Variants in RABGAP1L observed in about 807,000 individuals in gnomAD.
RABGAP1L encodes RAB GTPase activating protein 1 like, also known as rab GTPase-activating protein 1-like.
In RABGAP1L, 63 loss-of-function variants were observed where a neutral mutation model predicts 137.7. That is an observed-to-expected ratio of 0.46 (90% CI 0.37 to 0.56). The LOEUF (loss-of-function observed/expected upper bound fraction) is 0.56. Ranked by LOEUF, RABGAP1L falls within the 20% of genes least tolerant of loss-of-function variation. The pLI is 0.00. For synonymous variants in RABGAP1L, 431 were observed against 433.7 expected (o/e 0.99, Z 0.08); for missense variants, 1,095 against 1,244.0 (o/e 0.88, Z 1.80).
At chr1:174,616,488 A>G (rs1671886325) in intron 13 of RABGAP1L, among the ~76,000 whole-genome samples, 1 of 152,222 alleles carries the variant, frequency 6.6e-6, no homozygotes, top group Non-Finnish European at 1.5e-5. Flanking sequence ...CTCAGGCACC[A>G]GGGAAACAAA....
At chr1:174,813,550 A>G (rs532792648) in intron 19 of RABGAP1L, among the ~76,000 whole-genome samples, 68 of 152,384 alleles carry the variant, frequency 4.5e-4, no homozygotes, top group African/African-American at 1.6e-3. Flanking sequence ...ACAGTTAAAA[A>G]GTACACTGAA....
chr1:174,219,004 A>G, intron 1 of RABGAP1L, 121 bp from the exon 2 acceptor site: 1 of 746,566 alleles, frequency 1.3e-6, no homozygotes, highest in Non-Finnish European at 2.1e-6. Flanking sequence ...TGAGATAATT[A>G]TCTAGCCAGC....
intron 13 of RABGAP1L, among the ~76,000 whole-genome samples, chr1:174,608,746 AATAGTGCTTCAGGTAGATT>A (rs1413688728): frequency 6.6e-6 from 1 of 152,160 alleles, no homozygotes; most frequent in Non-Finnish European, 1.5e-5. Context: ...ATGGGAACAA[AATAGTGCTTCAGGTAGATT>A]AACCTAAAAG....
chr1:174,209,081 A>T (rs1044676146), intron 1 of RABGAP1L, among the ~76,000 whole-genome samples: 1 of 152,146 alleles, frequency 6.6e-6, no homozygotes, highest in African/African-American at 2.4e-5. Flanking sequence ...CTCAACCTAG[A>T]TCCCTCACAT....
At position 174,448,649 on chromosome 1, in the gene RABGAP1L, T is replaced by C. The variant is rs747633785; in HGVS notation, c.1710+54504T>C. On this transcript the variant is annotated intron_variant, in intron 13 of 25. Transcript: ENST00000681986. This position sits in a 1 kb window ranked among gnomAD's most constrained non-coding sequence, Gnocchi z 4.2. The stretch of plus-strand genomic sequence containing the variant: ...AATTTTCTTGCCTTCCTTTTTTGGC[T>C]GGGGGAAACCTGGTTACCATGGTGA... 6.2e-7 allele frequency: 1 copy of C among 1,613,876 alleles called. No individual in the cohort carries two copies. The highest frequency in any genetic ancestry group is 1.1e-5 in the South Asian group (1 of 91,076).
chr1:174,307,067 T>A (rs1330494228), intron 11 of RABGAP1L, among the ~76,000 whole-genome samples: 1 of 150,794 alleles, frequency 6.6e-6, no homozygotes, highest in Non-Finnish European at 1.5e-5. Flanking sequence ...TATGTTAACT[T>A]ATTTGAGTCT....
intron 17 of RABGAP1L, among the ~76,000 whole-genome samples, chr1:174,735,882 G>A (rs1272873943): frequency 3.3e-5 from 5 of 152,070 alleles, no homozygotes; most frequent in African/African-American, 1.2e-4. Flanking sequence ...CATCACCAAG[G>A]GGATGGAGCT....
chr1:174,438,834 C>G (rs548870930), intron 13 of RABGAP1L, among the ~76,000 whole-genome samples: 1 of 137,078 alleles, frequency 7.3e-6, no homozygotes, highest in African/African-American at 2.7e-5. Flanking sequence ...AGGTTTTATA[C>G]ATTTTCACCT....
intron 14 of RABGAP1L, among the ~76,000 whole-genome samples, chr1:174,678,937 A>G (rs566682910): frequency 1.2e-3 from 183 of 152,342 alleles, no homozygotes; most frequent in Non-Finnish European, 2.2e-3. Flanking sequence ...ACAGTGGCAA[A>G]CAGCAGTGGT....
At chr1:174,541,571 T>A (rs1372632072) in intron 13 of RABGAP1L, among the ~76,000 whole-genome samples, 2 of 152,124 alleles carry the variant, frequency 1.3e-5, no homozygotes, top group African/African-American at 4.8e-5. Context: ...GGTCAGGAGA[T>A]CGAGACCATC....
chr1:174,741,878 A>G (rs1468576144), intron 17 of RABGAP1L, among the ~76,000 whole-genome samples: 1 of 147,886 alleles, frequency 6.8e-6, no homozygotes, highest in Non-Finnish European at 1.5e-5. Context: ...AAAAAAAAAA[A>G]AAGTAGAAAA....
intron 19 of RABGAP1L, chr1:174,877,516 A>G: frequency 2.5e-6 from 4 of 1,614,092 alleles, no homozygotes; most frequent in Non-Finnish European, 3.4e-6. Flanking sequence ...AATCTCCATT[A>G]TGGTAGCCTA....
rs145275267 is a variant in RABGAP1L at position 174,288,686 on chromosome 1, G to C, written c.1323+9907G>C. ...TTTAATTATACTATGTCCTGGTGTA[G>C]ACTTTTCAGCCTGTTTGGAAATCTA... On this transcript the variant is annotated intron_variant, in intron 10 of 25. Transcript: ENST00000681986. Among the ~76,000 whole-genome samples the C allele has an allele frequency of 2.1e-3, 327 of 152,252 alleles. 4 individuals carry two copies. Among genetic ancestry groups the C allele is most frequent in the Middle Eastern group, 0.014 (4 of 294 alleles).
intron 18 of RABGAP1L, among the ~76,000 whole-genome samples, chr1:174,794,697 C>T (rs1688114491): frequency 6.6e-6 from 1 of 152,160 alleles, no homozygotes; most frequent in South Asian, 2.1e-4. Context: ...AGTATAAACC[C>T]ACTTTTGTCT....
intron 17 of RABGAP1L, among the ~76,000 whole-genome samples, chr1:174,736,118 C>T (rs1682923649): frequency 6.6e-6 from 1 of 152,162 alleles, no homozygotes; most frequent in African/African-American, 2.4e-5. Flanking sequence ...CCAACATTAA[C>T]TCAAAAGTCC....
At chr1:174,880,077 AG>A (rs1653913126) in intron 19 of RABGAP1L, among the ~76,000 whole-genome samples, 1 of 114,386 alleles carries the variant, frequency 8.7e-6, no homozygotes. Flanking sequence ...AAAAAAAAAA[AG>A]GAAAAAAAAA....
At chr1:174,168,923 A>T (rs1665127768) in intron 1 of RABGAP1L, among the ~76,000 whole-genome samples, 2 of 152,342 alleles carry the variant, frequency 1.3e-5, no homozygotes, top group Middle Eastern at 6.8e-3. Flanking sequence ...ACATGTATAG[A>T]TGTGGTGAAG....
At chr1:174,760,182 T>TA in intron 18 of RABGAP1L, among the ~76,000 whole-genome samples, 1 of 144,910 alleles carries the variant, frequency 6.9e-6, no homozygotes, top group East Asian at 2.0e-4. Flanking sequence ...TTAAAGCAGA[T>TA]TTTTTTTTTT....
chr1:174,212,745 A>G (rs527381448), intron 1 of RABGAP1L, among the ~76,000 whole-genome samples: 4 of 152,234 alleles, frequency 2.6e-5, no homozygotes, highest in African/African-American at 9.6e-5. Context: ...GATCAACAAA[A>G]CCAAAAGCTG....
Sources: allele counts gnomAD v4.1 joint callset (sites outside exome capture counted in the v4.1 genomes callset), GRCh38; gene constraint gnomAD v4.1.1; non-coding constraint Gnocchi (gnomAD v3.1); transcripts MANE v1.5; gene names NCBI Gene and HGNC (gene_info 2026-07-23, HGNC 2026-07-21).